The following PCCA variants were observed in gnomAD, a reference collection of about 807,000 sequenced individuals.
PCCA encodes the protein propionyl-CoA carboxylase alpha chain, mitochondrial.
In PCCA, 74 loss-of-function variants were observed where a neutral mutation model predicts 101.3. That is an observed-to-expected ratio of 0.73 (90% CI 0.61 to 0.89). PCCA has a LOEUF of 0.89. Ranked by LOEUF, PCCA falls within the 40% of genes least tolerant of loss-of-function variation. The probability of loss-of-function intolerance (pLI) is 0.00; values close to 1 mark genes in which losing one functional copy is unlikely to be tolerated. For missense variants in PCCA, 891 were observed against 907.0 expected (o/e 0.98, Z 0.23); for synonymous variants, 294 against 313.6 (o/e 0.94, Z 0.66).
chr13:100,089,346 C>T (rs2046058488), intron 1 of PCCA, 121 bp downstream of exon 1: 3 of 1,251,388 alleles, frequency 2.4e-6, no homozygotes, highest in African/African-American at 1.6e-5. Flanking sequence ...CCCGGTTCCG[C>T]ATCAGCTACA....
chr13:100,280,826 C>T lies in PCCA; in HGVS notation c.1065+7480C>T, dbSNP rs1322328936. 2.6e-5 allele frequency among the ~76,000 whole-genome samples: 4 copies of T among 152,192 alleles called. No homozygotes were observed. In the East Asian group the frequency reaches 7.7e-4, roughly 29 times the overall value. ...TGTGATGAAATCTCACACCATCCTG[C>T]TCCATCCTGCCTGGTACGTGGATCC... On this transcript the variant is annotated intron_variant, in intron 12 of 23. Coordinates refer to ENST00000376285, the MANE Select transcript of PCCA (RefSeq NM_000282.4).
At chr13:100,099,286 C>T (rs2152236348) in intron 1 of PCCA, among the ~76,000 whole-genome samples, 1 of 146,380 alleles carries the variant, frequency 6.8e-6, no homozygotes, top group Non-Finnish European at 1.5e-5. Context: ...GAGGCCACAT[C>T]TTGCTTATGA....
chr13:100,512,952 A>G (rs2086590738), intron 21 of PCCA, among the ~76,000 whole-genome samples: 1 of 152,234 alleles, frequency 6.6e-6, no homozygotes, highest in Non-Finnish European at 1.5e-5. Flanking sequence ...CAGAGATGCT[A>G]GTAAATAGCA....
Position 100,331,456 on chromosome 13 carries a change from A to G in PCCA, c.1540+785A>G, listed in dbSNP as rs574541956. On this transcript the variant is annotated intron_variant, in intron 17 of 23. Transcript: ENST00000376285. ...TTTTAATGTAAAATGACTCACATTC[A>G]TATTAGGAGCTATATATAGATTCAG... Among the ~76,000 whole-genome samples, 21 of 152,326 alleles carry G rather than the reference A, an allele frequency of 1.4e-4. No homozygotes were observed. The South Asian group carries it at 3.9e-3, about 29-fold the overall frequency.
At chr13:100,134,313 C>T (rs1002530441) in intron 4 of PCCA, among the ~76,000 whole-genome samples, 1 of 152,120 alleles carries the variant, frequency 6.6e-6, no homozygotes, top group African/African-American at 2.4e-5. Context: ...AATTGGATTC[C>T]TCTACCTTTC....
At chr13:100,164,528 C>T (rs80303035) in intron 6 of PCCA, among the ~76,000 whole-genome samples, 2,647 of 152,174 alleles carry the variant, frequency 0.017, 82 homozygotes, top group African/African-American at 0.061. Flanking sequence ...GCTTTTTTCC[C>T]CTGACTCCTT....
intron 19 of PCCA, among the ~76,000 whole-genome samples, chr13:100,419,709 A>G (rs2078619623): frequency 6.6e-6 from 1 of 152,254 alleles, no homozygotes; most frequent in Admixed American, 6.5e-5. Flanking sequence ...GCTGGAGAAC[A>G]GCGAAGTTAA....
At chr13:100,489,396 A>G (rs899530303) in intron 21 of PCCA, among the ~76,000 whole-genome samples, 3 of 152,246 alleles carry the variant, frequency 2.0e-5, no homozygotes, top group Non-Finnish European at 4.4e-5. Flanking sequence ...AGCGGAACTG[A>G]CAGTGTAACA....
intron 14 of PCCA, among the ~76,000 whole-genome samples, chr13:100,303,952 A>G (rs763520756): frequency 2.0e-5 from 3 of 152,240 alleles, no homozygotes; most frequent in African/African-American, 4.8e-5. Flanking sequence ...GGACATATCT[A>G]AACACTTTTT....
intron 22 of PCCA, chr13:100,527,193 G>A: frequency 2.3e-6 from 1 of 432,950 alleles, no homozygotes; most frequent in Admixed American, 2.6e-5. Flanking sequence ...AGTCAATTCA[G>A]AGTTGTGTAG....
At chr13:100,345,770 G>A (rs1052200875) in intron 18 of PCCA, among the ~76,000 whole-genome samples, 1 of 152,176 alleles carries the variant, frequency 6.6e-6, no homozygotes, top group African/African-American at 2.4e-5. Flanking sequence ...AGAACCAGCT[G>A]ACTCTCTTGG....
In PCCA at chr13:100,264,860, A is replaced by G. The variant is rs375707276; in HGVS notation, c.819+2029A>G. On this transcript the variant is annotated intron_variant, in intron 10 of 23. Coordinates refer to ENST00000376285, the MANE Select transcript of PCCA (RefSeq NM_000282.4). ...CCCCTGCCAACGTGTGATATTTTCA[A>G]TTTTTGAAAACATTTAACCATATTA... Among the ~76,000 whole-genome samples, 5 of 152,150 alleles carry G rather than the reference A, an allele frequency of 3.3e-5. No homozygotes were observed. In the East Asian group the frequency reaches 5.8e-4, roughly 18 times the overall value.
chr13:100,489,986 A>G (rs986888746), intron 21 of PCCA: 3 of 152,260 alleles, frequency 2.0e-5, no homozygotes, highest in African/African-American at 7.2e-5. Flanking sequence ...CAACAAAATC[A>G]GTAAGTGTTA....
chr13:100,390,402 A>G (rs1216614860), intron 19 of PCCA, among the ~76,000 whole-genome samples: 1 of 152,208 alleles, frequency 6.6e-6, no homozygotes, highest in Non-Finnish European at 1.5e-5. Flanking sequence ...GGGTCATTGC[A>G]TGTGAGGTTC....
intron 19 of PCCA, among the ~76,000 whole-genome samples, chr13:100,399,212 A>G (rs1158590372): frequency 4.6e-5 from 7 of 152,278 alleles, no homozygotes; most frequent in South Asian, 4.1e-4. Context: ...CACGTATTCA[A>G]ATGAAATGCA....
rs1044934276 is a variant in PCCA at position 100,151,125 on chromosome 13, G to A, written c.301-3854G>A. On this transcript the variant is annotated intron_variant, in intron 4 of 23. Transcript: ENST00000376285. ...GCTTACCTGATGGCTGCTGCCAGAC[G>A]GAAGAAAAGAAGTTTAATTTATTTT... 3.8e-5 allele frequency: 42 copies of A among 1,097,494 alleles called. No individual in the cohort carries two copies. In the East Asian group the frequency reaches 9.2e-4, roughly 24 times the overall value. 68.0% of individuals were successfully genotyped at this position (1,097,494 alleles called of 1,614,324 possible). A position where few individuals can be genotyped will look rare whatever the true frequency, so the allele number is the denominator to read the frequency against.
At chr13:100,093,865 G>T (rs796619239) in intron 1 of PCCA, among the ~76,000 whole-genome samples, 5 of 152,284 alleles carry the variant, frequency 3.3e-5, no homozygotes, top group African/African-American at 1.2e-4. Flanking sequence ...CTTGAGCCCA[G>T]GAGGTCAAGG....
In PCCA at chr13:100,348,787, TCTTCCTTCCTTCCTTC is replaced by T. The variant is rs142274622; in HGVS notation, c.1643+8544_1643+8559del. 2.9e-3 allele frequency among the ~76,000 whole-genome samples: 135 copies of T among 46,644 alleles called. 2 individuals carry two copies. The highest frequency in any genetic ancestry group is 0.011 in the Admixed American group (42 of 3,778). 30.6% of individuals were successfully genotyped at this position (46,644 alleles called of 152,430 possible). Reference sequence around the variant, plus strand: ...TTCTTTCTTTCTTTCTTTCTTTCTTTCTTCCTTCCTTCCTTCCTTCCTTCCTTCCTTTCTTTCTTTT... The same window carrying T: ...TTCTTTCTTTCTTTCTTTCTTTCTTTCTTCCTTCCTTCCTTTCTTTCTTTT... On this transcript the variant is annotated intron_variant, in intron 18 of 23. Transcript: ENST00000376285.
intron 7 of PCCA, among the ~76,000 whole-genome samples, chr13:100,220,426 ATTTTTTT>A (rs34275910): frequency 3.0e-5 from 4 of 132,502 alleles, no homozygotes; most frequent in African/African-American, 8.4e-5. Context: ...TGCCTGACTA[ATTTTTTT>A]TTTTTTTTTT....
Sources: allele counts gnomAD v4.1 joint callset (sites outside exome capture counted in the v4.1 genomes callset), GRCh38; gene constraint gnomAD v4.1.1; transcripts MANE v1.5; gene names NCBI Gene and HGNC (gene_info 2026-07-23, HGNC 2026-07-21).